DPYSL3: variants seen among roughly 807,000 people sequenced by gnomAD.
DPYSL3 encodes dihydropyrimidinase like 3.
A neutral mutation model predicts 66.1 loss-of-function variants in DPYSL3; 16 were observed. The ratio of observed to expected loss-of-function variants is 0.24; its 90% CI spans 0.16 to 0.37. The LOEUF (loss-of-function observed/expected upper bound fraction) is 0.37. Ranked by LOEUF, DPYSL3 falls within the 10% of genes least tolerant of loss-of-function variation. DPYSL3 has a pLI of 1.00. For synonymous variants in DPYSL3, 338 were observed against 345.1 expected (o/e 0.98, Z 0.23); for missense variants, 738 against 916.2 (o/e 0.81, Z 2.51).
chr5:147,412,564 G>T, intron 6 of DPYSL3, 44 bp downstream of exon 6: 1 of 1,566,226 alleles, frequency 6.4e-7, no homozygotes. Flanking sequence ...GAAGAAAATG[G>T]AATGCAGACC....
chr5:147,394,689 A>G (rs937855000), intron 13 of DPYSL3, among the ~76,000 whole-genome samples: 4 of 152,144 alleles, frequency 2.6e-5, no homozygotes, highest in African/African-American at 9.7e-5. Context: ...CAACAAAAAA[A>G]AAAAGGCAAA....
At chr5:147,408,832 T>C in intron 6 of DPYSL3, 36 bp from the exon 7 acceptor site, 1 of 1,610,774 alleles carries the variant, frequency 6.2e-7, no homozygotes, top group Non-Finnish European at 8.5e-7. Context: ...TTCAATAAGC[T>C]CAAGTGAGAT....
intron 1 of DPYSL3, among the ~76,000 whole-genome samples, chr5:147,507,217 A>C (rs1450822154): frequency 2.0e-5 from 3 of 152,202 alleles, no homozygotes; most frequent in African/African-American, 7.2e-5. Context: ...TGACAGATAC[A>C]AGAGTGCACA....
intron 1 of DPYSL3, among the ~76,000 whole-genome samples, chr5:147,474,304 A>G (rs1045205727): frequency 3.3e-5 from 5 of 151,996 alleles, no homozygotes; most frequent in African/African-American, 1.2e-4. Context: ...TTCTCATAAC[A>G]CTGTTATCAA....
At chr5:147,424,808 C>T (rs1180211234) in intron 2 of DPYSL3, 67 bp downstream of exon 2, 5 of 1,217,802 alleles carry the variant, frequency 4.1e-6, no homozygotes, top group Admixed American at 2.1e-5. Context: ...GTAATCCAAC[C>T]TCCTTTATGA....
In DPYSL3 at chr5:147,486,347, C is replaced by T. The variant is rs114112156; in HGVS notation, c.381+23131G>A. On this transcript the variant is annotated intron_variant, in intron 1 of 13. Coordinates refer to ENST00000343218, the MANE Select transcript of DPYSL3 (RefSeq NM_001197294.2). Reference sequence around the variant, plus strand: ...TTACAACAACTTTTAAAAAGCAATGCCTGGCATATAATAAATGCTCAAAAA... The same window carrying T: ...TTACAACAACTTTTAAAAAGCAATGTCTGGCATATAATAAATGCTCAAAAA... 3.8e-3 allele frequency among the ~76,000 whole-genome samples: 585 copies of T among 152,248 alleles called. 4 individuals are homozygous for T. Among genetic ancestry groups the T allele is most frequent in the African/African-American group, 0.013 (534 of 41,522 alleles).
chr5:147,413,482 G>A, intron 5 of DPYSL3, 114 bp downstream of exon 5: 1 of 792,506 alleles, frequency 1.3e-6, no homozygotes, highest in Non-Finnish European at 2.1e-6. Context: ...AAGCATTCTG[G>A]CCCAGTGGTC....
At position 147,401,529 on chromosome 5, in the gene DPYSL3, C is replaced by A. The variant is rs770254140; in HGVS notation, c.1310+11G>T. ...CACAAAACGCCTGCTGCTGGGCATTCCTGCACCAACCTGGCCAGCAAGGAG... is the reference window on the plus strand; with the variant it reads ...CACAAAACGCCTGCTGCTGGGCATTACTGCACCAACCTGGCCAGCAAGGAG... On this transcript the variant is annotated intron_variant, in intron 9 of 13. Coordinates refer to ENST00000343218, the MANE Select transcript of DPYSL3 (RefSeq NM_001197294.2). 1.3e-5 allele frequency: 21 copies of A among 1,607,984 alleles called. No individual in the cohort carries two copies. The highest frequency in any genetic ancestry group is 1.8e-5 in the Non-Finnish European group (21 of 1,176,978).
At chr5:147,403,596 G>T (rs1330447508) in intron 8 of DPYSL3, among the ~76,000 whole-genome samples, 2 of 152,126 alleles carry the variant, frequency 1.3e-5, no homozygotes, top group African/African-American at 4.8e-5. Context: ...GCACATAGCT[G>T]TTCCTCATTA....
intron 11 of DPYSL3, among the ~76,000 whole-genome samples, chr5:147,398,876 G>A (rs1758078157): frequency 6.6e-6 from 1 of 152,200 alleles, no homozygotes; most frequent in Admixed American, 6.5e-5. Flanking sequence ...CTGTCCCTGA[G>A]TGACTGGAAT....
At chr5:147,436,194 G>C (rs552405850) in intron 1 of DPYSL3, among the ~76,000 whole-genome samples, 7 of 152,324 alleles carry the variant, frequency 4.6e-5, no homozygotes, top group African/African-American at 1.4e-4. Context: ...GGTAGACAAA[G>C]GTGGAGAGGA....
chr5:147,424,831 G>A (rs1280782105), intron 2 of DPYSL3, 44 bp downstream of exon 2: 13 of 1,399,472 alleles, frequency 9.3e-6, no homozygotes, highest in Middle Eastern at 1.9e-4. Context: ...CATTAATGAA[G>A]GAGGAAGTGC....
At chr5:147,409,229 T>A (rs543667947) in intron 6 of DPYSL3, among the ~76,000 whole-genome samples, 1 of 152,350 alleles carries the variant, frequency 6.6e-6, no homozygotes, top group East Asian at 1.9e-4. Context: ...TAAAGCAATG[T>A]TAGCCCCTGA....
chr5:147,445,967 G>A (rs1372630760), intron 1 of DPYSL3, among the ~76,000 whole-genome samples: 2 of 152,152 alleles, frequency 1.3e-5, no homozygotes, highest in African/African-American at 4.8e-5. Context: ...CCCTGAATGA[G>A]AAAAAGACTG....
chr5:147,418,007 G>A (rs949616420), intron 3 of DPYSL3, among the ~76,000 whole-genome samples: 1 of 152,164 alleles, frequency 6.6e-6, no homozygotes, highest in African/African-American at 2.4e-5. Flanking sequence ...TCCGAGAAAT[G>A]TAATTCTCCA....
intron 1 of DPYSL3, among the ~76,000 whole-genome samples, chr5:147,444,968 A>G (rs1752604173): frequency 6.6e-6 from 1 of 151,808 alleles, no homozygotes; most frequent in Non-Finnish European, 1.5e-5. Flanking sequence ...GCTGCTAATA[A>G]CTCTAATGAC....
At chr5:147,452,552 T>C (rs1752752001) in intron 1 of DPYSL3, among the ~76,000 whole-genome samples, 1 of 152,108 alleles carries the variant, frequency 6.6e-6, no homozygotes, top group Non-Finnish European at 1.5e-5. Flanking sequence ...ATTCTATTTT[T>C]GTAAATGACC....
chr5:147,438,414 A>C (rs2126364604), intron 1 of DPYSL3, among the ~76,000 whole-genome samples: 1 of 152,360 alleles, frequency 6.6e-6, no homozygotes, highest in South Asian at 2.1e-4. Flanking sequence ...AAAATCAGAG[A>C]CAAGTGGGTA....
intron 1 of DPYSL3, among the ~76,000 whole-genome samples, chr5:147,496,919 T>C (rs1204377889): frequency 6.6e-6 from 1 of 152,144 alleles, no homozygotes; most frequent in African/African-American, 2.4e-5. Context: ...CAAAGGACTA[T>C]AAATCATGCT....
Sources: gnomAD v4.1 joint callset for allele counts (sites outside exome capture counted in the v4.1 genomes callset) on GRCh38, gnomAD v4.1.1 for gene constraint, MANE v1.5 for transcripts, NCBI Gene and HGNC (gene_info 2026-07-23, HGNC 2026-07-21) for gene names.